LINGO2: variants seen among roughly 807,000 people sequenced by gnomAD.
The protein encoded by LINGO2 is leucine-rich repeat and immunoglobulin-like domain-containing nogo receptor-interacting protein 2.
A neutral mutation model predicts 30.6 loss-of-function variants in LINGO2; 14 were observed. The observed-to-expected ratio is 0.46, with a 90% confidence interval of 0.30 to 0.72. The LOEUF (loss-of-function observed/expected upper bound fraction) is 0.72, where lower values mean the gene tolerates loss of function less well. Ranked by LOEUF, LINGO2 falls within the 30% of genes least tolerant of loss-of-function variation. The pLI, the probability that LINGO2 is intolerant of heterozygous loss-of-function variation, is 0.07. For missense variants in LINGO2, 729 were observed against 751.7 expected (o/e 0.97, Z 0.35); for synonymous variants, 317 against 288.5 (o/e 1.10, Z -1.00).
intron 4 of LINGO2, among the ~76,000 whole-genome samples, chr9:28,272,442 T>C (rs1195446229): frequency 6.6e-6 from 1 of 151,836 alleles, no homozygotes; most frequent in Non-Finnish European, 1.5e-5. Context: ...ATCTCCCATA[T>C]CGTCACATGG....
the LINGO2 span, among the ~76,000 whole-genome samples, chr9:28,745,988 A>G: frequency 9.9e-5 from 15 of 152,216 alleles, 1 homozygote; most frequent in African/African-American, 3.1e-4. Flanking sequence ...ATCAAATATA[A>G]GATAAAAATA....
the LINGO2 span, among the ~76,000 whole-genome samples, chr9:29,082,910 G>A: frequency 2.0e-5 from 3 of 151,948 alleles, no homozygotes; most frequent in African/African-American, 4.8e-5. Flanking sequence ...TTAGAATGGC[G>A]ATCATTAAAA....
chr9:28,536,516 C>T (rs1587820471), intron 1 of LINGO2, among the ~76,000 whole-genome samples: 2 of 152,064 alleles, frequency 1.3e-5, no homozygotes, highest in Non-Finnish European at 2.9e-5. Flanking sequence ...CATAGCCAGT[C>T]GCTTGAGAGA....
intron 2 of LINGO2, among the ~76,000 whole-genome samples, chr9:28,459,798 G>A (rs1825002865): frequency 1.3e-5 from 2 of 151,934 alleles, no homozygotes; most frequent in African/African-American, 4.8e-5. Context: ...ATACCGTTAA[G>A]TAATATTATT....
intron 5 of LINGO2, among the ~76,000 whole-genome samples, chr9:28,002,597 G>C (rs1038500314): frequency 3.9e-5 from 6 of 152,140 alleles, no homozygotes; most frequent in African/African-American, 1.4e-4. Context: ...CCCTCTGTAA[G>C]AATTTGTGTG....
At chr9:28,055,769 A>C (rs1395771555) in intron 4 of LINGO2, among the ~76,000 whole-genome samples, 3 of 152,182 alleles carry the variant, frequency 2.0e-5, no homozygotes, top group Non-Finnish European at 4.4e-5. Context: ...TAAGTAGTTC[A>C]AATTGCTATC....
the LINGO2 span, among the ~76,000 whole-genome samples, chr9:29,108,445 C>G: frequency 6.6e-6 from 1 of 152,144 alleles, no homozygotes; most frequent in Non-Finnish European, 1.5e-5. Flanking sequence ...AATACAGCAA[C>G]TTGCCTCCAA....
At chr9:28,216,229 A>G (rs1820761763) in intron 4 of LINGO2, among the ~76,000 whole-genome samples, 1 of 151,932 alleles carries the variant, frequency 6.6e-6, no homozygotes, top group African/African-American at 2.4e-5. Context: ...GTGGCCTCAT[A>G]GTCCACAACC....
At chr9:29,052,382 A>G in the LINGO2 span, among the ~76,000 whole-genome samples, 1 of 152,190 alleles carries the variant, frequency 6.6e-6, no homozygotes, top group Non-Finnish European at 1.5e-5. Context: ...GTCATTTTAC[A>G]TATATAATAA....
intron 1 of LINGO2, among the ~76,000 whole-genome samples, chr9:28,497,280 C>T (rs4436214): frequency 0.71 from 107,677 of 151,996 alleles, 38,224 homozygotes; most frequent in South Asian, 0.76. Context: ...ATTCTCCCCA[C>T]TACTTTCAGG....
At chr9:28,594,798 A>G (rs969609022) in intron 1 of LINGO2, among the ~76,000 whole-genome samples, 14 of 152,040 alleles carry the variant, frequency 9.2e-5, no homozygotes, top group Non-Finnish European at 1.8e-4. Context: ...TTTATATCCT[A>G]TTTCAAAAAC....
chr9:28,997,084 A>G, the LINGO2 span, among the ~76,000 whole-genome samples: 3 of 152,152 alleles, frequency 2.0e-5, no homozygotes, highest in Admixed American at 1.3e-4. Context: ...ACCAGATGCC[A>G]TTGAAATACC....
chr9:29,082,903 G>C, the LINGO2 span, among the ~76,000 whole-genome samples: 2 of 152,130 alleles, frequency 1.3e-5, no homozygotes, highest in African/African-American at 4.8e-5. Context: ...ACACAAGTTA[G>C]AATGGCGATC....
At chr9:27,978,658 A>T (rs1423178844) in intron 5 of LINGO2, among the ~76,000 whole-genome samples, 1 of 151,984 alleles carries the variant, frequency 6.6e-6, no homozygotes, top group Admixed American at 6.6e-5. Flanking sequence ...TGTGGTTTAC[A>T]AGCCACCTAG....
chr9:28,823,735 T>C, the LINGO2 span, among the ~76,000 whole-genome samples: 1 of 152,186 alleles, frequency 6.6e-6, no homozygotes, highest in Non-Finnish European at 1.5e-5. Context: ...GAATGACTTA[T>C]CTTGAAAGTG....
intron 4 of LINGO2, among the ~76,000 whole-genome samples, chr9:28,237,939 TATTCC>T (rs1259974143): frequency 1.3e-5 from 2 of 151,998 alleles, no homozygotes; most frequent in Non-Finnish European, 2.9e-5. Context: ...TGGAAAAGGA[TATTCC>T]ATTCCAATGG....
intron 1 of LINGO2, among the ~76,000 whole-genome samples, chr9:28,549,657 T>G (rs900917542): frequency 6.6e-6 from 1 of 151,858 alleles, no homozygotes; most frequent in Non-Finnish European, 1.5e-5. Flanking sequence ...TTTTTTTTAC[T>G]AATAGTAGTA....
chr9:28,803,118 C>G, the LINGO2 span, among the ~76,000 whole-genome samples: 4 of 152,122 alleles, frequency 2.6e-5, no homozygotes, highest in African/African-American at 9.6e-5. Context: ...GCATTTAGAT[C>G]TTGTTATGGG....
At chr9:29,079,315 T>C in the LINGO2 span, among the ~76,000 whole-genome samples, 1 of 151,976 alleles carries the variant, frequency 6.6e-6, no homozygotes, top group African/African-American at 2.4e-5. Flanking sequence ...TTTGTCCTTC[T>C]ATGAATCAAT....
Sources: allele counts gnomAD v4.1 joint callset (sites outside exome capture counted in the v4.1 genomes callset), GRCh38; gene constraint gnomAD v4.1.1; transcripts MANE v1.5; gene names NCBI Gene and HGNC (gene_info 2026-07-23, HGNC 2026-07-21).